Variants in SORCS1 observed in about 807,000 individuals in gnomAD.
SORCS1 encodes sortilin related VPS10 domain containing receptor 1, also known as VPS10 domain-containing receptor SorCS1.
In SORCS1, 60 loss-of-function variants were observed where a neutral mutation model predicts 146.1. The ratio of observed to expected loss-of-function variants is 0.41; its 90% CI spans 0.33 to 0.51. The LOEUF (loss-of-function observed/expected upper bound fraction) is 0.51, where lower values mean the gene tolerates loss of function less well. Among genes scored for constraint, SORCS1 ranks in the 20% least tolerant of loss-of-function variants. The pLI is 0.21. For synonymous variants in SORCS1, 637 were observed against 584.0 expected, an observed-to-expected ratio of 1.09 and a Z score of -1.31; for missense variants, 1,352 against 1,487.6, an observed-to-expected ratio of 0.91 and a Z score of 1.50.
intron 4 of SORCS1, among the ~76,000 whole-genome samples, chr10:106,770,702 A>T (rs1186173868): frequency 6.6e-6 from 1 of 152,176 alleles, no homozygotes; most frequent in East Asian, 1.9e-4. Context: ...TACTTCTCTC[A>T]AAAAAAGAAA....
chr10:106,717,477 T>C (rs1316300437), intron 6 of SORCS1, among the ~76,000 whole-genome samples: 1 of 152,248 alleles, frequency 6.6e-6, no homozygotes, highest in Non-Finnish European at 1.5e-5. Context: ...TCAAATGTTC[T>C]AGCTTGGCAT....
intron 1 of SORCS1, among the ~76,000 whole-genome samples, chr10:107,026,351 G>A (rs1478724269): frequency 6.6e-6 from 1 of 152,184 alleles, no homozygotes; most frequent in Non-Finnish European, 1.5e-5. Flanking sequence ...CGGGCATGGT[G>A]GCTCACGCCT....
chr10:106,814,092 A>AT (rs1947614926), intron 3 of SORCS1, among the ~76,000 whole-genome samples: 1 of 152,170 alleles, frequency 6.6e-6, no homozygotes, highest in African/African-American at 2.4e-5. Flanking sequence ...CAGTACTGAG[A>AT]CCTGGACTTA....
In SORCS1 at chr10:107,043,665, T is replaced by C. The variant is rs370903130; in HGVS notation, c.559-87085A>G. On this transcript the variant is annotated intron_variant, in intron 1 of 25. Transcript: ENST00000263054. ...GGTCATCATGGCCCCCAAGCCACCC[T>C]CCTCCCTGCCACAATCTGGCCCTGT... Among the ~76,000 whole-genome samples the C allele has an allele frequency of 1.4e-4, 21 of 152,120 alleles. 1 individual carries two copies. In the South Asian group the frequency reaches 4.4e-3, roughly 32 times the overall value.
rs148572633 is a variant in SORCS1 at position 106,629,375 on chromosome 10, C to T, written c.2489G>A (p.Arg830Gln). 2.4e-5 allele frequency: 38 copies of T among 1,613,872 alleles called. No homozygotes were observed. Among genetic ancestry groups the T allele is most frequent in the African/African-American group, 2.1e-4 (16 of 74,930 alleles). The change falls in exon 19 of 26, where the codon CGG becomes CAG. Residue 830 changes from arginine to glutamine, a missense_variant. Coordinates refer to ENST00000263054, the MANE Select transcript of SORCS1 (RefSeq NM_052918.5). ...MVQLEEGDVQRTLIQVDFGDG... is the reference protein window; with the variant it reads ...MVQLEEGDVQQTLIQVDFGDG... ...GCCAAAGTCCACTTGGATGAGTGTC[C>T]GCTGAACATCACCCTGAAAAACAAC... is the stretch of plus-strand genomic sequence containing the variant.
chr10:107,111,964 T>C (rs1965729680), intron 1 of SORCS1, among the ~76,000 whole-genome samples: 1 of 152,158 alleles, frequency 6.6e-6, no homozygotes. Flanking sequence ...AACAATATTA[T>C]ACTCAGCAAC....
At chr10:106,901,219 G>A (rs571324476) in intron 2 of SORCS1, among the ~76,000 whole-genome samples, 1 of 152,310 alleles carries the variant, frequency 6.6e-6, no homozygotes, top group East Asian at 1.9e-4. Context: ...CAGGATAGGA[G>A]GGATTAATTC....
intron 1 of SORCS1, among the ~76,000 whole-genome samples, chr10:107,106,433 A>G (rs746268648): frequency 1.3e-5 from 2 of 152,210 alleles, no homozygotes; most frequent in African/African-American, 2.4e-5. Flanking sequence ...TTTTGGGTCA[A>G]ACCAGACCTG....
intron 1 of SORCS1, among the ~76,000 whole-genome samples, chr10:107,142,229 T>C (rs1967904253): frequency 6.6e-6 from 1 of 152,146 alleles, no homozygotes; most frequent in Admixed American, 6.5e-5. Flanking sequence ...GATATTAAAA[T>C]GTGTGCCCAG....
At chr10:107,076,179 C>T (rs1341382562) in intron 1 of SORCS1, among the ~76,000 whole-genome samples, 2 of 151,942 alleles carry the variant, frequency 1.3e-5, no homozygotes, top group South Asian at 2.1e-4. Context: ...TTTTCGGCAC[C>T]GTATTTGCTA....
chr10:106,650,296 G>C (rs1437543301), intron 18 of SORCS1, among the ~76,000 whole-genome samples: 1 of 152,172 alleles, frequency 6.6e-6, no homozygotes, highest in Non-Finnish European at 1.5e-5. Context: ...CAGAGGGCTT[G>C]TTCTAATTTG....
At chr10:107,126,704 G>T (rs949621455) in intron 1 of SORCS1, among the ~76,000 whole-genome samples, 2 of 152,086 alleles carry the variant, frequency 1.3e-5, no homozygotes, top group Non-Finnish European at 2.9e-5. Flanking sequence ...TCATTGCAGA[G>T]GCACTTCTTT....
At chr10:106,696,722 G>A (rs918927652) in intron 9 of SORCS1, among the ~76,000 whole-genome samples, 1 of 152,178 alleles carries the variant, frequency 6.6e-6, no homozygotes, top group Admixed American at 6.5e-5. Context: ...ACCTGTTACC[G>A]ATGTTTGAAT....
At chr10:106,577,704 G>A (rs1001501773) in intron 25 of SORCS1, 149 bp from the exon 26 acceptor site, 5 of 1,420,094 alleles carry the variant, frequency 3.5e-6, no homozygotes, top group Non-Finnish European at 3.7e-6. Context: ...ATACCCTACG[G>A]AAATGCGACT....
At chr10:107,176,524 A>G in the SORCS1 span, among the ~76,000 whole-genome samples, 7 of 151,528 alleles carry the variant, frequency 4.6e-5, no homozygotes, top group African/African-American at 1.7e-4. Context: ...TTTTGTAGAG[A>G]CGGGGCCCCA....
intron 1 of SORCS1, among the ~76,000 whole-genome samples, chr10:106,968,216 A>C (rs1200843385): frequency 6.6e-6 from 1 of 152,150 alleles, no homozygotes; most frequent in Non-Finnish European, 1.5e-5. Flanking sequence ...TCAAAAAAAA[A>C]AAGAGAAAAG....
At chr10:106,851,570 T>C (rs1175489859) in intron 2 of SORCS1, among the ~76,000 whole-genome samples, 4 of 152,356 alleles carry the variant, frequency 2.6e-5, no homozygotes, top group Middle Eastern at 3.4e-3. Context: ...ATGTATCTGT[T>C]CCTTCACACA....
At chr10:106,843,360 T>C (rs1312970079) in intron 2 of SORCS1, among the ~76,000 whole-genome samples, 1 of 152,140 alleles carries the variant, frequency 6.6e-6, no homozygotes, top group Non-Finnish European at 1.5e-5. Flanking sequence ...TGTCTTCCTA[T>C]GTCTGGCTTA....
At chr10:106,807,996 T>C (rs191489646) in intron 3 of SORCS1, among the ~76,000 whole-genome samples, 3 of 152,360 alleles carry the variant, frequency 2.0e-5, no homozygotes, top group Admixed American at 1.3e-4. Flanking sequence ...TTTCTTCTTC[T>C]ACATGGTATT....
Sources: gnomAD v4.1 joint callset for allele counts (sites outside exome capture counted in the v4.1 genomes callset) on GRCh38, gnomAD v4.1.1 for gene constraint, MANE v1.5 for transcripts, NCBI Gene and HGNC (gene_info 2026-07-23, HGNC 2026-07-21) for gene names.